The following TAF6L variants were observed in gnomAD, a reference collection of about 807,000 sequenced individuals.
TAF6L encodes TATA-box binding protein associated factor 6 like.
Under a neutral mutation model 57.3 loss-of-function variants are expected in TAF6L, and 34 were observed. That is an observed-to-expected ratio of 0.59 (90% CI 0.45 to 0.79). The LOEUF is 0.79. TAF6L is among the 30% of genes least tolerant of loss of function. The pLI, the probability that TAF6L is intolerant of heterozygous loss-of-function variation, is 0.00. For missense variants in TAF6L, 782 were observed against 853.2 expected, an observed-to-expected ratio of 0.92 and a Z score of 1.04; for synonymous variants, 417 against 376.3, an observed-to-expected ratio of 1.11 and a Z score of -1.25.
chr11:62,774,911 T>G (rs12575886), intron 1 of TAF6L, among the ~76,000 whole-genome samples: 2 of 145,656 alleles, frequency 1.4e-5, no homozygotes, highest in Non-Finnish European at 3.0e-5. Flanking sequence ...AAAAAAAAAA[T>G]TTAGCCATCC....
At chr11:62,783,918 C>T (rs1395668793) in intron 9 of TAF6L, among the ~76,000 whole-genome samples, 1 of 149,180 alleles carries the variant, frequency 6.7e-6, no homozygotes, top group African/African-American at 2.5e-5. Flanking sequence ...CTTTTGTATA[C>T]CTGGAATAAG....
intron 1 of TAF6L, chr11:62,774,657 TGC>T (rs1428512685): frequency 4.4e-6 from 2 of 455,116 alleles, no homozygotes; most frequent in East Asian, 1.4e-4. Flanking sequence ...TTTCTTATTG[TGC>T]TATACCCTGT....
Position 62,784,306 on chromosome 11 carries a change from A to AT in TAF6L, c.960+1497dup, listed in dbSNP as rs1030701221. Among the ~76,000 whole-genome samples, 269 of 118,762 alleles carry AT rather than the reference A, an allele frequency of 2.3e-3. 2 individuals are homozygous for AT. The highest frequency in any genetic ancestry group is 0.018 in the Middle Eastern group (3 of 164). 77.9% of individuals were successfully genotyped at this position (118,762 alleles called of 152,430 possible). On this transcript the variant is annotated intron_variant, in intron 9 of 10. Transcript: ENST00000294168. Reference sequence around the variant, plus strand: ...GCCTGGCCATATATATATATTCTTAATTTTTTTTTTTTTTTTGAGACGGAG... The same window carrying AT: ...GCCTGGCCATATATATATATTCTTAATTTTTTTTTTTTTTTTTGAGACGGAG...
chr11:62,782,080 A>G (rs770395511), intron 7 of TAF6L, 33 bp from the exon 8 acceptor site: 1 of 1,590,980 alleles, frequency 6.3e-7, no homozygotes, highest in Non-Finnish European at 8.6e-7. Flanking sequence ...CTGTCCCCTC[A>G]TGTCCCTGTA....
At chr11:62,778,715 G>T (rs974867639) in intron 5 of TAF6L, 154 bp from the exon 6 acceptor site, 5 of 687,234 alleles carry the variant, frequency 7.3e-6, no homozygotes, top group Non-Finnish European at 1.3e-5. Context: ...TCAGGGCTGA[G>T]CAGGCTCTAA....
chr11:62,777,431 T>C (rs11231212), intron 3 of TAF6L, among the ~76,000 whole-genome samples: 5,566 of 152,216 alleles, frequency 0.037, 163 homozygotes, highest in East Asian at 0.14. Context: ...GGCTATGTGT[T>C]CAGAAAAGAG....
Position 62,787,306 on chromosome 11 carries a change from C to A in TAF6L, c.*10C>A. 1 of 1,529,304 alleles carries A rather than the reference C, an allele frequency of 6.5e-7. No homozygotes were observed. The highest frequency in any genetic ancestry group is 1.2e-5 in the South Asian group (1 of 82,072). 94.7% of individuals were successfully genotyped at this position (1,529,304 alleles called of 1,614,324 possible). ...GTACTTGCCGCTCTGAGTCAGTGGCCCCTTCGTTCCTTGTAAATAAATCCC... is the reference window on the plus strand; with the variant it reads ...GTACTTGCCGCTCTGAGTCAGTGGCACCTTCGTTCCTTGTAAATAAATCCC... On this transcript the variant is annotated 3_prime_UTR_variant, in exon 11 of 11. Coordinates refer to ENST00000294168, the MANE Select transcript of TAF6L (RefSeq NM_006473.4).
rs932083356 is a variant in TAF6L, at chr11:62,787,197, G to C, written c.1770G>C (p.Pro590=). Residue 590 remains proline (P), a synonymous_variant, in exon 11 of 11, where the codon CCG becomes CCC. Coordinates refer to ENST00000294168, the MANE Select transcript of TAF6L (RefSeq NM_006473.4). ...TCCCCGCGCCGTACGGGCCTAGCCC[G>C]GCCTCGCGCTACGTGCAGAAACTGC... ...TAFPAPYGPS[P]ASRYVQKLPM... 1 of 1,587,868 alleles carries C rather than the reference G, an allele frequency of 6.3e-7. No individual in the cohort carries two copies. The highest frequency in any genetic ancestry group is 8.5e-7 in the Non-Finnish European group (1 of 1,175,788).
Position 62,784,231 on chromosome 11 carries a change from G to A in TAF6L, c.960+1406G>A, listed in dbSNP as rs375066960. ...TCTCAATCTCTGGACCTCGTGTTCC[G>A]CCCGCCTCGGCTTCCCAAAGTGCTG... is the stretch of plus-strand genomic sequence containing the variant. On this transcript the variant is annotated intron_variant, in intron 9 of 10. Transcript: ENST00000294168. Among the ~76,000 whole-genome samples the A allele has an allele frequency of 2.7e-5, 4 of 150,066 alleles. No individual in the cohort carries two copies. In the South Asian group the frequency reaches 6.3e-4, roughly 24 times the overall value.
At chr11:62,782,606 C>G in intron 8 of TAF6L, 87 bp from the exon 9 acceptor site, 1 of 1,560,684 alleles carries the variant, frequency 6.4e-7, no homozygotes, top group Admixed American at 1.7e-5. Context: ...GTGTGCTGTA[C>G]AGATGCTATT....
rs1419105460 is a variant in TAF6L, at chr11:62,787,043, C to T, written c.1616C>T (p.Pro539Leu). 1 of 1,518,708 alleles carries T rather than the reference C, an allele frequency of 6.6e-7. No homozygotes were observed. Among genetic ancestry groups the T allele is most frequent in the African/African-American group, 1.4e-5 (1 of 70,020 alleles). 94.1% of individuals were successfully genotyped at this position (1,518,708 alleles called of 1,614,324 possible). Residue 539 changes from proline (P) to leucine (L), a missense_variant, in exon 11 of 11, where the codon CCC (proline) becomes CTC (leucine). Coordinates refer to ENST00000294168, the MANE Select transcript of TAF6L (RefSeq NM_006473.4). ...RARGAPRQQG[P>L]GTGTRDVFQK... ...CGCGGGGCACCCCGGCAGCAGGGCCCCGGGACCGGCACCCGCGACGTTTTC... is the reference window on the plus strand; with the variant it reads ...CGCGGGGCACCCCGGCAGCAGGGCCTCGGGACCGGCACCCGCGACGTTTTC...
chr11:62,776,490 C>T lies in TAF6L; in HGVS notation c.234+20C>T. On this transcript the variant is annotated intron_variant, in intron 3 of 10. Coordinates refer to ENST00000294168, the MANE Select transcript of TAF6L (RefSeq NM_006473.4). ...GTGGAGGTGAGTGGGGTGCAGGCTA[C>T]AGAGGGCTCAGGTGGCATGAGGCCA... 1 of 1,611,710 alleles carries T rather than the reference C, an allele frequency of 6.2e-7. No homozygotes were observed. Among genetic ancestry groups the T allele is most frequent in the South Asian group, 1.1e-5 (1 of 91,054 alleles).
At position 62,787,312 on chromosome 11, in the gene TAF6L, G is replaced by A. The variant is rs545500275; in HGVS notation, c.*16G>A. 13 of 1,528,852 alleles carry A rather than the reference G, an allele frequency of 8.5e-6. No homozygotes were observed. In the South Asian group the frequency reaches 1.1e-4, roughly 13 times the overall value. The allele number at this position is 1,528,852 out of a possible 1,614,324, so 94.7% of individuals were successfully genotyped here. On this transcript the variant is annotated 3_prime_UTR_variant, in exon 11 of 11. Coordinates refer to ENST00000294168, the MANE Select transcript of TAF6L (RefSeq NM_006473.4). ...GCCGCTCTGAGTCAGTGGCCCCTTC[G>A]TTCCTTGTAAATAAATCCCGCCCCC...
chr11:62,772,355 C>T (rs1162590186), intron 1 of TAF6L, among the ~76,000 whole-genome samples: 2 of 151,816 alleles, frequency 1.3e-5, no homozygotes, highest in Admixed American at 1.3e-4. Flanking sequence ...AACCTCGTCT[C>T]TACTAAAAAT....
In TAF6L at chr11:62,782,933, T is replaced by C. The variant is rs2084241292; in HGVS notation, c.960+108T>C. 4.7e-6 allele frequency: 7 copies of C among 1,490,240 alleles called. No homozygotes were observed. In the South Asian group the frequency reaches 5.1e-5, roughly 11 times the overall value. The allele number at this position is 1,490,240 out of a possible 1,614,324, so 92.3% of individuals were successfully genotyped here. The stretch of plus-strand genomic sequence containing the variant: ...AAATAGTGTGTGCCTGCCACTGCCA[T>C]GTATTGAGTTCTGGCCTTAGGCCAG... On this transcript the variant is annotated intron_variant, in intron 9 of 10. Coordinates refer to ENST00000294168, the MANE Select transcript of TAF6L (RefSeq NM_006473.4).
At chr11:62,782,049 G>A (rs1433161045) in intron 7 of TAF6L, 64 bp from the exon 8 acceptor site, 1 of 1,591,768 alleles carries the variant, frequency 6.3e-7, no homozygotes. Flanking sequence ...GGCAAGTGCT[G>A]TCAGAATGGT....
rs1188733976 is a variant in TAF6L, at chr11:62,783,043, ATAAATT to A, written c.960+219_960+224del. Among the ~76,000 whole-genome samples the A allele has an allele frequency of 3.9e-5, 6 of 152,236 alleles. No homozygotes were observed. The South Asian group carries it at 1.2e-3, about 31-fold the overall frequency. On this transcript the variant is annotated intron_variant, in intron 9 of 10. Transcript: ENST00000294168. ...GCAGATACTGATGTCCCCACATTTT[ATAAATT>A]CCTGCCCGTTCTATATTATCACATT...
rs763884274 is a variant in TAF6L at position 62,786,648 on chromosome 11, C to T, written c.1221C>T (p.Ser407=). 2 of 1,604,456 alleles carry T rather than the reference C, an allele frequency of 1.2e-6. No individual in the cohort carries two copies. The highest frequency in any genetic ancestry group is 1.7e-6 in the Non-Finnish European group (2 of 1,175,836). The change falls in exon 11 of 11, where the codon TCC becomes TCT. Residue 407 remains serine, a synonymous_variant. Transcript: ENST00000294168. The part of the protein sequence containing the change: ...WDSLLFQESS[S]GGGAEPSFGS... ...GCCTTCTCTTTCAAGAGTCGTCCTC[C>T]GGGGGCGGTGCAGAACCCAGCTTTG...
At chr11:62,782,383 G>C in intron 8 of TAF6L, 50 bp downstream of exon 8, 1 of 1,583,656 alleles carries the variant, frequency 6.3e-7, no homozygotes, top group Non-Finnish European at 8.6e-7. Context: ...GAGCCAAGTG[G>C]GTTGGGGTAA....
Sources: allele counts gnomAD v4.1 joint callset (sites outside exome capture counted in the v4.1 genomes callset), GRCh38; gene constraint gnomAD v4.1.1; transcripts MANE v1.5; gene names NCBI Gene and HGNC (gene_info 2026-07-23, HGNC 2026-07-21).